Variants in GRB10 observed in about 807,000 individuals in gnomAD.
The protein encoded by GRB10 is growth factor receptor-bound protein 10.
Under a neutral mutation model 80.9 loss-of-function variants are expected in GRB10, and 20 were observed. That is an observed-to-expected ratio of 0.25 (90% CI 0.17 to 0.36). The LOEUF (loss-of-function observed/expected upper bound fraction) is 0.36, where lower values mean the gene tolerates loss of function less well. Among genes scored for constraint, GRB10 ranks in the 10% least tolerant of loss-of-function variants. The probability of loss-of-function intolerance (pLI) is 1.00; values close to 1 mark genes in which losing one functional copy is unlikely to be tolerated. For missense variants in GRB10, 548 were observed against 747.7 expected, an observed-to-expected ratio of 0.73 and a Z score of 3.12; for synonymous variants, 291 against 291.5, an observed-to-expected ratio of 1.00 and a Z score of 0.02.
At chr7:50,724,821 A>G (rs181683416) in intron 4 of GRB10, among the ~76,000 whole-genome samples, 1 of 152,344 alleles carries the variant, frequency 6.6e-6, no homozygotes, top group African/African-American at 2.4e-5. Flanking sequence ...TCAATGTTAC[A>G]GGAGGCCCAT....
At chr7:50,757,224 G>T (rs2075210628) in intron 2 of GRB10, among the ~76,000 whole-genome samples, 1 of 152,180 alleles carries the variant, frequency 6.6e-6, no homozygotes, top group African/African-American at 2.4e-5. Context: ...GCAAATTATT[G>T]AGTCATTGGG....
At chr7:50,616,856 T>TCAAAA (rs554414666) in intron 10 of GRB10, among the ~76,000 whole-genome samples, 36 of 152,330 alleles carry the variant, frequency 2.4e-4, no homozygotes, top group Non-Finnish European at 7.3e-5. Context: ...AAAGGCTTTA[T>TCAAAA]CAAAACAAAA....
At chr7:50,608,783 G>A (rs964005200) in intron 13 of GRB10, among the ~76,000 whole-genome samples, 6 of 152,052 alleles carry the variant, frequency 3.9e-5, no homozygotes, top group Admixed American at 6.6e-5. Context: ...TAGGCAACAT[G>A]GCAAAACCCT....
chr7:50,676,403 G>C (rs2060956786), intron 5 of GRB10, among the ~76,000 whole-genome samples: 1 of 149,094 alleles, frequency 6.7e-6, no homozygotes, highest in African/African-American at 2.5e-5. Flanking sequence ...TTGGCACACA[G>C]TAAACAGGAA....
intron 17 of GRB10, among the ~76,000 whole-genome samples, chr7:50,600,096 C>T (rs956443566): frequency 6.6e-6 from 1 of 152,150 alleles, no homozygotes; most frequent in Non-Finnish European, 1.5e-5. Context: ...AGTGAGCCTG[C>T]GCTGCCTCCC....
intron 3 of GRB10, among the ~76,000 whole-genome samples, chr7:50,740,457 A>C (rs2071504063): frequency 6.6e-6 from 1 of 152,254 alleles, no homozygotes; most frequent in Non-Finnish European, 1.5e-5. Context: ...TGGGTTAAAT[A>C]ATAAAATTCA....
chr7:50,628,091 C>T (rs1257154584), intron 7 of GRB10, among the ~76,000 whole-genome samples: 2 of 152,244 alleles, frequency 1.3e-5, no homozygotes, highest in African/African-American at 4.8e-5. Flanking sequence ...AACAACACAA[C>T]TCTCACACCA....
At chr7:50,658,795 A>G (rs887853188) in intron 7 of GRB10, among the ~76,000 whole-genome samples, 1 of 152,200 alleles carries the variant, frequency 6.6e-6, no homozygotes, top group Admixed American at 6.5e-5. Flanking sequence ...TTCCTGTGTC[A>G]TATTTAGCCA....
At chr7:50,783,449 A>ACACAC (rs2078518772), upstream of GRB10, among the ~76,000 whole-genome samples, 1 of 93,966 alleles carries the variant, frequency 1.1e-5, no homozygotes, top group African/African-American at 4.1e-5. Context: ...CACACACACC[A>ACACAC]CACACATCCC....
At chr7:50,705,370 AT>A in intron 4 of GRB10, 1 of 791,272 alleles carries the variant, frequency 1.3e-6, no homozygotes, top group South Asian at 5.8e-5. Flanking sequence ...GAAGGGAGAC[AT>A]TTTCACCAGC....
In GRB10 at chr7:50,749,134, G is replaced by GTTTTTTTTTTTTTT. The variant is rs11405172; in HGVS notation, c.-47+6752_-47+6753insAAAAAAAAAAAAAA. ...TTTGTTTTGTTTTGTTTTTTTGTTT[G>GTTTTTTTTTTTTTT]TTTTTTTTTTTTGAGATGGAGTCTC... On this transcript the variant is annotated intron_variant, in intron 3 of 18. Transcript: ENST00000401949. 2.6e-4 allele frequency among the ~76,000 whole-genome samples: 36 copies of GTTTTTTTTTTTTTT among 137,920 alleles called. 3 individuals carry two copies. The highest frequency in any genetic ancestry group is 6.5e-4 in the East Asian group (3 of 4,638). The allele number at this position is 137,920 out of a possible 152,430, so 90.5% of individuals were successfully genotyped here. A position where few individuals can be genotyped will look rare whatever the true frequency, so the allele number is the denominator to read the frequency against.
chr7:50,650,229 C>T (rs1370530427), intron 7 of GRB10, among the ~76,000 whole-genome samples: 1 of 152,146 alleles, frequency 6.6e-6, no homozygotes, highest in African/African-American at 2.4e-5. Flanking sequence ...GAGATGCCAC[C>T]CCCAACTGGC....
At chr7:50,605,197 A>C (rs1332262269) in intron 15 of GRB10, 93 bp downstream of exon 15, 7 of 944,730 alleles carry the variant, frequency 7.4e-6, no homozygotes, top group Non-Finnish European at 1.2e-5. Flanking sequence ...CCTCTTGCCA[A>C]CCCGCATAGA....
intron 3 of GRB10, among the ~76,000 whole-genome samples, chr7:50,753,829 C>G (rs1244756642): frequency 6.6e-6 from 1 of 152,188 alleles, no homozygotes; most frequent in Non-Finnish European, 1.5e-5. Context: ...AGGAGATTTC[C>G]CTTTGAATTA....
At chr7:50,721,720 G>A (rs1053471138) in intron 4 of GRB10, among the ~76,000 whole-genome samples, 5 of 152,130 alleles carry the variant, frequency 3.3e-5, no homozygotes, top group African/African-American at 9.7e-5. Context: ...CCAAACAGAA[G>A]GGTGATAGGT....
At position 50,734,297 on chromosome 7, in the gene GRB10, AG is replaced by A. The variant is rs563587976; in HGVS notation, c.-46-1930del. ...CTCACCCCACCACCTCCCATGTCCT[AG>A]CCCCATCTCTAAACACTCTTTCTGC... On this transcript the variant is annotated intron_variant, in intron 3 of 18. Coordinates refer to ENST00000401949, the MANE Select transcript of GRB10 (RefSeq NM_001350814.2). Among the ~76,000 whole-genome samples the A allele has an allele frequency of 1.5e-4, 23 of 152,090 alleles. No individual in the cohort carries two copies. The East Asian group carries it at 3.3e-3, about 22-fold the overall frequency.
At chr7:50,704,032 AC>A in intron 4 of GRB10, 124 bp from the exon 5 acceptor site, 1 of 681,106 alleles carries the variant, frequency 1.5e-6, no homozygotes, top group South Asian at 1.5e-5. Flanking sequence ...CCACTTACTT[AC>A]TTTTTCCATT....
chr7:50,702,521 G>A (rs2064390738), intron 5 of GRB10, among the ~76,000 whole-genome samples: 1 of 152,202 alleles, frequency 6.6e-6, no homozygotes, highest in Non-Finnish European at 1.5e-5. Context: ...TGATTGAGAG[G>A]TGGCCAATGT....
chr7:50,752,312 A>C (rs553444758), intron 3 of GRB10, among the ~76,000 whole-genome samples: 5 of 152,186 alleles, frequency 3.3e-5, no homozygotes, highest in Non-Finnish European at 7.4e-5. Context: ...GAGGATGTCA[A>C]AAAAGGAAGG....
Sources: gnomAD v4.1 joint callset for allele counts (sites outside exome capture counted in the v4.1 genomes callset) on GRCh38, gnomAD v4.1.1 for gene constraint, MANE v1.5 for transcripts, NCBI Gene and HGNC (gene_info 2026-07-23, HGNC 2026-07-21) for gene names.